CRX: variants seen among roughly 807,000 people sequenced by gnomAD.
CRX encodes the protein cone-rod homeobox, also known as cone-rod homeobox protein.
In CRX, 5 loss-of-function variants were observed where a neutral mutation model predicts 13.1. The observed-to-expected ratio is 0.38, with a 90% confidence interval of 0.20 to 0.80. CRX has a LOEUF of 0.80. CRX is among the 30% of genes least tolerant of loss of function. The pLI, the probability that CRX is intolerant of heterozygous loss-of-function variation, is 0.43. For synonymous variants in CRX, 179 were observed against 171.1 expected, an observed-to-expected ratio of 1.05 and a Z score of -0.36; for missense variants, 351 against 391.8, an observed-to-expected ratio of 0.90 and a Z score of 0.88.
chr19:47,834,409 GC>G lies in CRX; in HGVS notation c.-30del, dbSNP rs1369395985. On this transcript the variant is annotated splice_region_variant and 5_prime_UTR_variant, in exon 2 of 4. Coordinates refer to ENST00000221996, the MANE Select transcript of CRX (RefSeq NM_000554.6). ...GAGCATCCCTCCTCTTCTCTTGCAG[GC>G]CCCCTGACTTGGGCCTCAGTGTCCC... 6.7e-7 allele frequency: 1 copy of G among 1,498,146 alleles called. No individual in the cohort carries two copies. The allele number at this position is 1,498,146 out of a possible 1,614,324, so 92.8% of individuals were successfully genotyped here. A position where few individuals can be genotyped will look rare whatever the true frequency, so the allele number is the denominator to read the frequency against.
chr19:47,839,246 A>G lies in CRX; in HGVS notation c.253-74A>G. ...GCACCTCTCACCAATAAGTGTCCTC[A>G]TCCCCGGGCACCCTGCGGCTCTCCT... On this transcript the variant is annotated intron_variant, in intron 3 of 3. Transcript: ENST00000221996. This position sits in a 1 kb window ranked among gnomAD's most constrained non-coding sequence, Gnocchi z 4.6. 6.6e-7 allele frequency: 1 copy of G among 1,509,460 alleles called. No individual in the cohort carries two copies. The highest frequency in any genetic ancestry group is 9.0e-7 in the Non-Finnish European group (1 of 1,114,688). 93.5% of individuals were successfully genotyped at this position (1,509,460 alleles called of 1,614,324 possible). A position where few individuals can be genotyped will look rare whatever the true frequency, so the allele number is the denominator to read the frequency against.
At position 47,839,290 on chromosome 19, in the gene CRX, C is replaced by G; in HGVS notation, c.253-30C>G. The G allele has an allele frequency of 6.2e-7, 1 of 1,605,368 alleles. No individual in the cohort carries two copies. The highest frequency in any genetic ancestry group is 1.1e-5 in the South Asian group (1 of 90,212). ...CTCTCCTGGGCCTCTTCCCCACTTA[C>G]CCACCCCCATCTCCGCTCTTATCCC... On this transcript the variant is annotated intron_variant, in intron 3 of 3. Coordinates refer to ENST00000221996, the MANE Select transcript of CRX (RefSeq NM_000554.6). This position sits in a 1 kb window ranked among gnomAD's most constrained non-coding sequence, Gnocchi z 4.6.
At chr19:47,830,513 C>T (rs546403343) in intron 1 of CRX, among the ~76,000 whole-genome samples, 27 of 151,954 alleles carry the variant, frequency 1.8e-4, no homozygotes, top group Non-Finnish European at 3.2e-4. Flanking sequence ...CCATCCTGGC[C>T]AACATGGTGA....
chr19:47,840,644 C>A lies in CRX; in HGVS notation c.*677C>A. On this transcript the variant is annotated 3_prime_UTR_variant, in exon 4 of 4. Coordinates refer to ENST00000221996, the MANE Select transcript of CRX (RefSeq NM_000554.6). ...GGTCTCGATCTCCTGACCTCGTGAT[C>A]CGCCCGCCTCGGCCTCCCAAAGTGC... 1 of 151,490 alleles carries A rather than the reference C, an allele frequency of 6.6e-6. No homozygotes were observed. The highest frequency in any genetic ancestry group is 1.5e-5 in the Non-Finnish European group (1 of 67,910). 9.4% of individuals were successfully genotyped at this position (151,490 alleles called of 1,614,324 possible).
chr19:47,838,546 T>C (rs1599989198), intron 3 of CRX, among the ~76,000 whole-genome samples: 1 of 152,136 alleles, frequency 6.6e-6, no homozygotes. Flanking sequence ...TTAATGCATG[T>C]ATGATGTATG....
At chr19:47,835,418 G>A (rs75263707) in intron 2 of CRX, among the ~76,000 whole-genome samples, 7,483 of 149,276 alleles carry the variant, frequency 0.05, 297 homozygotes, top group African/African-American at 0.11. Flanking sequence ...ACGGAGTTTC[G>A]CTCCTGCCCA....
At chr19:47,825,008 T>TTTTTTG (rs1555800861) in intron 1 of CRX, among the ~76,000 whole-genome samples, 4 of 149,042 alleles carry the variant, frequency 2.7e-5, no homozygotes, top group Non-Finnish European at 4.5e-5. Context: ...TTTTTTTTTT[T>TTTTTTG]GGGATGGAGT....
intron 1 of CRX, among the ~76,000 whole-genome samples, chr19:47,830,977 G>A (rs1490111638): frequency 1.3e-5 from 2 of 151,900 alleles, no homozygotes; most frequent in African/African-American, 4.8e-5. Flanking sequence ...ACTTCCTGGG[G>A]TTACCATTTA....
At chr19:47,830,245 G>C (rs1968027082) in intron 1 of CRX, among the ~76,000 whole-genome samples, 1 of 151,038 alleles carries the variant, frequency 6.6e-6, no homozygotes, top group African/African-American at 2.4e-5. Flanking sequence ...GGAGTTGGAG[G>C]CTGCAGTGAG....
chr19:47,833,760 C>T (rs1039390205), intron 1 of CRX, among the ~76,000 whole-genome samples: 3 of 101,060 alleles, frequency 3.0e-5, no homozygotes, highest in Non-Finnish European at 4.3e-5. Flanking sequence ...TGAGGCTGAG[C>T]GTGTTTGCCC....
intron 1 of CRX, among the ~76,000 whole-genome samples, chr19:47,827,045 G>T (rs1041557215): frequency 6.6e-5 from 10 of 152,182 alleles, no homozygotes; most frequent in African/African-American, 2.2e-4. Flanking sequence ...GCTAGCCTTG[G>T]AAGCCACGCT....
chr19:47,823,649 GTT>G (rs58548004), intron 1 of CRX, among the ~76,000 whole-genome samples: 3 of 129,538 alleles, frequency 2.3e-5, no homozygotes, highest in Non-Finnish European at 1.6e-5. Flanking sequence ...CATGAGTCTG[GTT>G]TTTTTTTTTT....
At chr19:47,827,300 G>A (rs1376937091) in intron 1 of CRX, among the ~76,000 whole-genome samples, 1 of 151,910 alleles carries the variant, frequency 6.6e-6, no homozygotes, top group Non-Finnish European at 1.5e-5. Context: ...GGTCACACAG[G>A]GTGCCTTGTT....
At chr19:47,824,009 C>T (rs188201644) in intron 1 of CRX, among the ~76,000 whole-genome samples, 1 of 152,196 alleles carries the variant, frequency 6.6e-6, no homozygotes, top group East Asian at 1.9e-4. Flanking sequence ...CTCATGTGGG[C>T]TCTCTGGGCC....
chr19:47,833,902 A>G (rs1318346612), intron 1 of CRX, among the ~76,000 whole-genome samples: 3 of 151,526 alleles, frequency 2.0e-5, no homozygotes, highest in South Asian at 2.1e-4. Context: ...TGCAGCCCCA[A>G]ACTCCTGGGC....
rs570814832 is a variant in CRX, at chr19:47,831,833, C to G, written c.-35-2576C>G. The stretch of plus-strand genomic sequence containing the variant: ...TCTGGGCTCACTGCAACCTCTGCCT[C>G]CCGGGCTCAAGCGATTCTCCTGCCT... On this transcript the variant is annotated intron_variant, in intron 1 of 3. Coordinates refer to ENST00000221996, the MANE Select transcript of CRX (RefSeq NM_000554.6). Among the ~76,000 whole-genome samples, 3 of 152,166 alleles carry G rather than the reference C, an allele frequency of 2.0e-5. No homozygotes were observed. In the South Asian group the frequency reaches 6.2e-4, roughly 32 times the overall value.
chr19:47,842,629 G>C lies in CRX; in HGVS notation c.*2662G>C, dbSNP rs1282735600. 6.6e-6 allele frequency: 1 copy of C among 152,116 alleles called. No homozygotes were observed. The highest frequency in any genetic ancestry group is 2.4e-5 in the African/African-American group (1 of 41,428). The allele number at this position is 152,116 out of a possible 1,614,324, so 9.4% of individuals were successfully genotyped here. A position where few individuals can be genotyped will look rare whatever the true frequency, so the allele number is the denominator to read the frequency against. ...AACCCAGGAGTGGCTCAAGAGTCCA[G>C]TGTGGGATGAAAATATAAACAGAGG... On this transcript the variant is annotated 3_prime_UTR_variant, in exon 4 of 4. Transcript: ENST00000221996.
At chr19:47,833,671 G>A (rs3760819) in intron 1 of CRX, among the ~76,000 whole-genome samples, 75,280 of 151,944 alleles carry the variant, frequency 0.5, 19,136 homozygotes, top group Middle Eastern at 0.62. Flanking sequence ...TGAAAGTCCT[G>A]TGTTCCAAGA....
intron 1 of CRX, among the ~76,000 whole-genome samples, chr19:47,829,198 C>G (rs187481504): frequency 2.3e-4 from 35 of 152,278 alleles, no homozygotes; most frequent in African/African-American, 8.2e-4. Flanking sequence ...TCACTGCAAC[C>G]TCCACCTCCC....
Sources: allele counts gnomAD v4.1 joint callset (sites outside exome capture counted in the v4.1 genomes callset), GRCh38; gene constraint gnomAD v4.1.1; non-coding constraint Gnocchi (gnomAD v3.1); transcripts MANE v1.5; gene names NCBI Gene and HGNC (gene_info 2026-07-23, HGNC 2026-07-21).